UNC5D: variants seen among roughly 807,000 people sequenced by gnomAD.
UNC5D encodes netrin receptor UNC5D.
UNC5D carries 39 observed loss-of-function variants against 105.4 expected under a neutral mutation model. The observed-to-expected ratio is 0.37, with a 90% CI of 0.29 to 0.48. UNC5D has a LOEUF of 0.48. Among genes scored for constraint, UNC5D ranks in the 20% least tolerant of loss-of-function variants. The pLI, the probability that UNC5D is intolerant of heterozygous loss-of-function variation, is 0.98. For synonymous variants in UNC5D, 452 were observed against 450.4 expected, an observed-to-expected ratio of 1.00 and a Z score of -0.04; for missense variants, 991 against 1,202.4, an observed-to-expected ratio of 0.82 and a Z score of 2.60.
At position 35,714,056 on chromosome 8, in the gene UNC5D, A is replaced by G. The variant is rs552950184; in HGVS notation, c.1117+8095A>G. Among the ~76,000 whole-genome samples, 11 of 152,344 alleles carry G rather than the reference A, an allele frequency of 7.2e-5. No homozygotes were observed. The South Asian group carries it at 2.1e-3, about 29-fold the overall frequency. On this transcript the variant is annotated intron_variant, in intron 8 of 16. Transcript: ENST00000404895. ...AGGTAAAATGGTTCAAAGTAATCAAAGACTGGGGGTGTGGGTGGAGGGGAC... is the reference window on the plus strand; with the variant it reads ...AGGTAAAATGGTTCAAAGTAATCAAGGACTGGGGGTGTGGGTGGAGGGGAC...
chr8:35,336,022 C>T (rs1811008815), intron 1 of UNC5D, among the ~76,000 whole-genome samples: 1 of 152,032 alleles, frequency 6.6e-6, no homozygotes, highest in South Asian at 2.1e-4. Context: ...ATTAGCCTCC[C>T]AAAGTGTTGG....
chr8:35,281,524 C>G (rs1042204103), intron 1 of UNC5D, among the ~76,000 whole-genome samples: 1 of 151,822 alleles, frequency 6.6e-6, no homozygotes, highest in African/African-American at 2.4e-5. Flanking sequence ...ACTGCAACCT[C>G]CGCCTCCCGG....
rs368461735 is a variant in UNC5D at position 35,447,890 on chromosome 8, A to G, written c.104-101402A>G. ...TACAGTCCAAAACCAGTAACAGGAG[A>G]ACTTCTGAAGGTATGGAAATCAAGC... On this transcript the variant is annotated intron_variant, in intron 1 of 16. Coordinates refer to ENST00000404895, the MANE Select transcript of UNC5D (RefSeq NM_080872.4). Among the ~76,000 whole-genome samples the G allele has an allele frequency of 2.0e-5, 3 of 152,160 alleles. 1 individual carries two copies. The highest frequency in any genetic ancestry group is 7.2e-5 in the African/African-American group (3 of 41,546).
At chr8:35,560,723 A>G (rs1394114300) in intron 2 of UNC5D, among the ~76,000 whole-genome samples, 1 of 152,146 alleles carries the variant, frequency 6.6e-6, no homozygotes, top group Non-Finnish European at 1.5e-5. Flanking sequence ...GTGGGATGGT[A>G]ATGTCACTTG....
chr8:35,615,613 C>G (rs998019290), intron 4 of UNC5D, among the ~76,000 whole-genome samples: 1 of 152,150 alleles, frequency 6.6e-6, no homozygotes, highest in Non-Finnish European at 1.5e-5. Flanking sequence ...ATGAACTGCT[C>G]AAGTAAGGAC....
intron 1 of UNC5D, among the ~76,000 whole-genome samples, chr8:35,351,005 C>A (rs1812197147): frequency 6.6e-6 from 1 of 152,036 alleles, no homozygotes; most frequent in Non-Finnish European, 1.5e-5. Flanking sequence ...CTTGAGACTG[C>A]ATGTCATTCT....
At chr8:35,476,068 C>T (rs1365127436) in intron 1 of UNC5D, among the ~76,000 whole-genome samples, 2 of 152,210 alleles carry the variant, frequency 1.3e-5, no homozygotes, top group Non-Finnish European at 2.9e-5. Flanking sequence ...CAATTAACAA[C>T]ATCTCTCGCT....
At chr8:35,535,148 C>T (rs1291178126) in intron 1 of UNC5D, among the ~76,000 whole-genome samples, 1 of 152,130 alleles carries the variant, frequency 6.6e-6, no homozygotes, top group Non-Finnish European at 1.5e-5. Flanking sequence ...GCCATGGATA[C>T]CTGGAAGCTA....
intron 1 of UNC5D, among the ~76,000 whole-genome samples, chr8:35,300,319 G>A (rs1332782292): frequency 5.9e-5 from 9 of 151,488 alleles, no homozygotes; most frequent in South Asian, 2.1e-4. Context: ...GTGGTGGCAC[G>A]TGCCTGTAGT....
intron 1 of UNC5D, among the ~76,000 whole-genome samples, chr8:35,397,806 C>T (rs538542165): frequency 6.6e-6 from 1 of 152,294 alleles, no homozygotes; most frequent in East Asian, 1.9e-4. Flanking sequence ...TTAATCCACA[C>T]TCCACCAAGA....
At chr8:35,370,948 G>T (rs1271467797) in intron 1 of UNC5D, among the ~76,000 whole-genome samples, 1 of 152,142 alleles carries the variant, frequency 6.6e-6, no homozygotes, top group African/African-American at 2.4e-5. Flanking sequence ...TTAAAGCTGG[G>T]TATGGTGGCT....
At chr8:35,236,445 A>AGGCCGCGTGTGTGCGGG (rs1802473184) in intron 1 of UNC5D, among the ~76,000 whole-genome samples, 2 of 888 alleles carry the variant, frequency 2.3e-3, no homozygotes, top group South Asian at 0.091. Flanking sequence ...CCAGCCCTGG[A>AGGCCGCGTGTGTGCGGG]GCTCGGGAGA....
intron 1 of UNC5D, among the ~76,000 whole-genome samples, chr8:35,455,281 C>CTTT (rs55848948): frequency 2.1e-5 from 3 of 142,188 alleles, no homozygotes; most frequent in African/African-American, 7.7e-5. Context: ...GGAATGGATA[C>CTTT]TTTTTTTTTT....
intron 4 of UNC5D, among the ~76,000 whole-genome samples, chr8:35,637,162 G>A (rs572674869): frequency 6.6e-6 from 1 of 152,110 alleles, no homozygotes; most frequent in Non-Finnish European, 1.5e-5. Flanking sequence ...AGCACACATT[G>A]TTTCTGTGTA....
At chr8:35,575,706 C>T (rs571644999) in intron 3 of UNC5D, among the ~76,000 whole-genome samples, 32 of 152,254 alleles carry the variant, frequency 2.1e-4, no homozygotes, top group African/African-American at 7.7e-4. Context: ...TCTCCTTCCT[C>T]TCCCATGGAA....
chr8:35,391,690 A>G (rs1325797905), intron 1 of UNC5D, among the ~76,000 whole-genome samples: 1 of 152,172 alleles, frequency 6.6e-6, no homozygotes, highest in Non-Finnish European at 1.5e-5. Flanking sequence ...GCCTCTCAAA[A>G]AGAGGAAAAT....
intron 1 of UNC5D, among the ~76,000 whole-genome samples, chr8:35,468,173 G>A (rs181279742): frequency 3.0e-3 from 464 of 152,280 alleles, no homozygotes; most frequent in Non-Finnish European, 3.9e-3. Context: ...TGTGTTGGTC[G>A]TTTAGGGATT....
At chr8:35,350,694 C>CT (rs1368929474) in intron 1 of UNC5D, among the ~76,000 whole-genome samples, 28 of 151,830 alleles carry the variant, frequency 1.8e-4, no homozygotes, top group Admixed American at 1.8e-3. Context: ...ATCTTCCATC[C>CT]TTTTTTTTAA....
chr8:35,381,400 G>A (rs923148642), intron 1 of UNC5D, among the ~76,000 whole-genome samples: 6 of 152,078 alleles, frequency 3.9e-5, no homozygotes, highest in Admixed American at 1.3e-4. Context: ...GAGTTGGGCC[G>A]GCTACACTGG....
Sources: gnomAD v4.1 joint callset for allele counts (sites outside exome capture counted in the v4.1 genomes callset) on GRCh38, gnomAD v4.1.1 for gene constraint, MANE v1.5 for transcripts, NCBI Gene and HGNC (gene_info 2026-07-23, HGNC 2026-07-21) for gene names.